Variants in FAM83H observed in about 807,000 individuals in gnomAD.
FAM83H encodes protein FAM83H.
In FAM83H, 24 loss-of-function variants were observed where a neutral mutation model predicts 30.2. The ratio of observed to expected loss-of-function variants is 0.79; its 90% CI spans 0.57 to 1.12. The LOEUF is 1.12. FAM83H is among the 50% of genes most tolerant of loss of function. The probability of loss-of-function intolerance (pLI) is 0.00; values close to 1 mark genes in which losing one functional copy is unlikely to be tolerated. For synonymous variants in FAM83H, 1,013 were observed against 821.7 expected (o/e 1.23, Z -3.98); for missense variants, 2,038 against 1,773.9 (o/e 1.15, Z -2.67).
At chr8:143,728,833 C>G in intron 4 of FAM83H, 110 bp from the exon 5 acceptor site, 2 of 1,596,568 alleles carry the variant, frequency 1.3e-6, no homozygotes, top group Non-Finnish European at 1.7e-6. Flanking sequence ...CTGCAAGGAC[C>G]TGGGCCCGGC....
In FAM83H at chr8:143,729,328, AG is replaced by A; in HGVS notation, c.448-6del. ...GTCCATCACCACGGCCACCACCTGC[AG>A]GGGCGGGTCAGGACGGAGAGGAGAG... On this transcript the variant is annotated splice_region_variant and splice_polypyrimidine_tract_variant and intron_variant, in intron 2 of 4. Coordinates refer to ENST00000388913, the MANE Select transcript of FAM83H (RefSeq NM_198488.5). 6.2e-7 allele frequency: 1 copy of A among 1,612,866 alleles called. No homozygotes were observed. Among genetic ancestry groups the A allele is most frequent in the South Asian group, 1.1e-5 (1 of 91,088 alleles).
intron 1 of FAM83H, 39 bp from the exon 2 acceptor site, chr8:143,730,636 A>C: frequency 1.5e-6 from 2 of 1,354,488 alleles, no homozygotes; most frequent in Admixed American, 2.4e-5. Context: ...GGGTGGGGGC[A>C]CTGGGACCAC....
Position 143,726,567 on chromosome 8 carries a change from C to T in FAM83H, c.2894G>A (p.Gly965Asp), listed in dbSNP as rs1554621891. Residue 965 changes from glycine (G) to aspartate (D), a missense_variant, in exon 5 of 5, where the codon GGC becomes GAC. Transcript: ENST00000388913. ...CAGCAGCTGCCTAAGACGCAAGGAG[C>T]CTTTGCGCAGGACTTCCATGGGGCC... ...PSGPMEVLRK[G>D]SLRLRQLLSP... 1.2e-6 allele frequency: 2 copies of T among 1,603,534 alleles called. No homozygotes were observed. Among genetic ancestry groups the T allele is most frequent in the Admixed American group, 1.7e-5 (1 of 59,944 alleles).
rs782258252 is a variant in FAM83H at position 143,728,515 on chromosome 8, C to G, written c.946G>C (p.Ala316Pro). The change falls in exon 5 of 5, where the codon GCG becomes CCG. Residue 316 changes from alanine (A) to proline (P), a missense_variant. By Grantham distance (27) the Ala-to-Pro change is conservative. Coordinates refer to ENST00000388913, the MANE Select transcript of FAM83H (RefSeq NM_198488.5). ...GPLVGVPGVGAPTPFSFPKRA... is the reference protein window; with the variant it reads ...GPLVGVPGVGPPTPFSFPKRA... Reference sequence around the variant, plus strand: ...TTAGGGAAGGAGAAGGGGGTTGGCGCCCCGACCCCAGGGACGCCCACGAGA... The same window carrying G: ...TTAGGGAAGGAGAAGGGGGTTGGCGGCCCGACCCCAGGGACGCCCACGAGA... 3 of 1,559,130 alleles carry G rather than the reference C, an allele frequency of 1.9e-6. No homozygotes were observed. The East Asian group carries it at 7.2e-5, about 38-fold the overall frequency.
rs1228371797 is a variant in FAM83H at position 143,728,666 on chromosome 8, C to T, written c.795G>A (p.Glu265=). The change falls in exon 5 of 5, where the codon GAG becomes GAA. Residue 265 remains glutamate (E), a synonymous_variant. Coordinates refer to ENST00000388913, the MANE Select transcript of FAM83H (RefSeq NM_198488.5). ...ACTCCTCGTCGAAGCTGGAGACCAGCTCTCCTTGGAACACGTGCGCCAGGC... is the reference window on the plus strand; with the variant it reads ...ACTCCTCGTCGAAGCTGGAGACCAGTTCTCCTTGGAACACGTGCGCCAGGC... ...HRSLAHVFQG[E]LVSSFDEEFR... is the part of the protein sequence containing the mutation. 3.1e-6 allele frequency: 5 copies of T among 1,604,584 alleles called. No homozygotes were observed. The East Asian group carries it at 1.1e-4, about 36-fold the overall frequency.
chr8:143,725,960 G>A lies in FAM83H; in HGVS notation c.3501C>T (p.Phe1167=), dbSNP rs781824187. Residue 1167 remains phenylalanine (F), a synonymous_variant, in exon 5 of 5, where the codon TTC becomes TTT. Transcript: ENST00000388913. The part of the protein sequence containing the change: ...EGTRDSKVGK[F]VPKILGTFKS... ...TGAACGTGCCCAGGATCTTGGGCAC[G>A]AACTTGCCCACCTTGCTGTCCCTGG... 3.7e-6 allele frequency: 6 copies of A among 1,613,006 alleles called. No individual in the cohort carries two copies. The highest frequency in any genetic ancestry group is 5.1e-6 in the Non-Finnish European group (6 of 1,179,954).
At chr8:143,731,118 A>AC (rs11432677) in intron 1 of FAM83H, among the ~76,000 whole-genome samples, 7,059 of 144,322 alleles carry the variant, frequency 0.049, 436 homozygotes, top group African/African-American at 0.14. Flanking sequence ...AATAAAACGA[A>AC]CCCCCCCCCC....
rs1243580564 is a variant in FAM83H, at chr8:143,729,016, CCTT to C, written c.685_687del (p.Lys229del). 1 of 1,613,586 alleles carries C rather than the reference CCTT, an allele frequency of 6.2e-7. No individual in the cohort carries two copies. The highest frequency in any genetic ancestry group is 1.3e-5 in the African/African-American group (1 of 74,888). ...GCACAGTCCACCAGCAGGAACTTCT[CCTT>C]GACGTGGCCCTTGAAGGACTTCCCA... On this transcript the variant is annotated inframe_deletion, in exon 4 of 5. Coordinates refer to ENST00000388913, the MANE Select transcript of FAM83H (RefSeq NM_198488.5).
intron 2 of FAM83H, 33 bp downstream of exon 2, chr8:143,730,103 T>G (rs1361155385): frequency 6.7e-7 from 1 of 1,490,984 alleles, no homozygotes; most frequent in South Asian, 1.3e-5. Flanking sequence ...CCCAGGCCCC[T>G]CCCCCACTAC....
rs1818215638 is a variant in FAM83H at position 143,724,687 on chromosome 8, C to G, written c.*1234G>C. On this transcript the variant is annotated 3_prime_UTR_variant, in exon 5 of 5. Coordinates refer to ENST00000388913, the MANE Select transcript of FAM83H (RefSeq NM_198488.5). ...GGGCTCGGCCTCAGCTGCACCTTGT[C>G]CCCTGCCCTCACCTGGCCCCATACC... 1 of 152,494 alleles carries G rather than the reference C, an allele frequency of 6.6e-6. No homozygotes were observed. Among genetic ancestry groups the G allele is most frequent in the South Asian group, 2.1e-4 (1 of 4,840 alleles). 9.4% of individuals were successfully genotyped at this position (152,494 alleles called of 1,614,324 possible).
chr8:143,726,500 G>A lies in FAM83H; in HGVS notation c.2961C>T (p.Phe987=), dbSNP rs191891370. ...GTTGGCCGTTCTCCTGCGGCACTGG[G>A]AAGCCACCCTCATCCTCCATGCGCC... ...GERRMEDEGG[F]PVPQENGQPE... is the part of the protein sequence containing the mutation. Residue 987 remains phenylalanine (F), a synonymous_variant, in exon 5 of 5, where the codon TTC becomes TTT. Coordinates refer to ENST00000388913, the MANE Select transcript of FAM83H (RefSeq NM_198488.5). The A allele has an allele frequency of 5.9e-5, 95 of 1,605,998 alleles. No homozygotes were observed. The African/African-American group carries it at 1.2e-3, about 20-fold the overall frequency.
chr8:143,730,972 A>G (rs1818496131), intron 1 of FAM83H, among the ~76,000 whole-genome samples: 1 of 152,066 alleles, frequency 6.6e-6, no homozygotes, highest in African/African-American at 2.4e-5. Flanking sequence ...GCGTGCACAC[A>G]TAGTCCCAGG....
chr8:143,726,274 C>G lies in FAM83H; in HGVS notation c.3187G>C (p.Gly1063Arg). The G allele has an allele frequency of 6.2e-7, 1 of 1,612,100 alleles. No homozygotes were observed. The highest frequency in any genetic ancestry group is 8.5e-7 in the Non-Finnish European group (1 of 1,179,680). The change falls in exon 5 of 5, where the codon GGC (glycine) becomes CGC (arginine). Residue 1063 changes from glycine (G) to arginine (R), a missense_variant. Gly to Arg is a moderately radical substitution (Grantham distance 125). Coordinates refer to ENST00000388913, the MANE Select transcript of FAM83H (RefSeq NM_198488.5). ...KHRAVPAPSPGPTHNSPELGR... is the reference protein window; with the variant it reads ...KHRAVPAPSPRPTHNSPELGR... Reference sequence around the variant, plus strand: ...AGCTCGGGGCTGTTGTGGGTCGGGCCGGGGCTCGGGGCAGGGACCGCACGG... The same window carrying G: ...AGCTCGGGGCTGTTGTGGGTCGGGCGGGGGCTCGGGGCAGGGACCGCACGG...
chr8:143,726,820 T>C lies in FAM83H; in HGVS notation c.2641A>G (p.Ser881Gly). Residue 881 changes from serine (S) to glycine (G), a missense_variant, in exon 5 of 5, where the codon AGC becomes GGC. Physicochemically the swap from Ser to Gly is moderately conservative, Grantham distance 56. Transcript: ENST00000388913. ...CGAGTGGAAAACCCAGGCGTGGGGC[T>C]CCCCTTCCGCTCAGGGTAAGCCGAG... is the stretch of plus-strand genomic sequence containing the variant. The part of the protein sequence containing the change: ...PTSAYPERKG[S>G]PTPGFSTRRG... 1.2e-6 allele frequency: 2 copies of C among 1,612,842 alleles called. No individual in the cohort carries two copies. The highest frequency in any genetic ancestry group is 1.7e-6 in the Non-Finnish European group (2 of 1,179,888).
intron 1 of FAM83H, among the ~76,000 whole-genome samples, chr8:143,731,106 AAAAT>A (rs1183977064): frequency 1.2e-5 from 1 of 83,184 alleles, no homozygotes; most frequent in Non-Finnish European, 2.6e-5. Flanking sequence ...ACAAAAAATA[AAAAT>A]AAAACGAACC....
rs782097630 is a variant in FAM83H at position 143,727,975 on chromosome 8, G to A, written c.1486C>T (p.Arg496Cys). Reference sequence around the variant, plus strand: ...CCGTCGGGTCCGAGCTCCGGGAAGCGGGGCCCGGCGCCCAGGGTGAAGTCA... The same window carrying A: ...CCGTCGGGTCCGAGCTCCGGGAAGCAGGGCCCGGCGCCCAGGGTGAAGTCA... ...PDDFTLGAGPRFPELGPDGHQ... is the reference protein window; with the variant it reads ...PDDFTLGAGPCFPELGPDGHQ... The change falls in exon 5 of 5, where the codon CGC becomes TGC. Residue 496 changes from arginine (R) to cysteine (C), a missense_variant. Transcript: ENST00000388913. 1.3e-6 allele frequency: 2 copies of A among 1,574,230 alleles called. No individual in the cohort carries two copies. Among genetic ancestry groups the A allele is most frequent in the Admixed American group, 1.8e-5 (1 of 54,326 alleles).
rs778233136 is a variant in FAM83H, at chr8:143,725,501, C to G, written c.*420G>C. On this transcript the variant is annotated 3_prime_UTR_variant, in exon 5 of 5. Coordinates refer to ENST00000388913, the MANE Select transcript of FAM83H (RefSeq NM_198488.5). ...ATCCCAGCTACTCAGGAGGCTGAGG[C>G]AGGAGAATCGCTGGAACCCGGGAGG... The G allele has an allele frequency of 1.5e-3, 356 of 237,686 alleles. 1 individual carries two copies. The highest frequency in any genetic ancestry group is 2.3e-3 in the Non-Finnish European group (274 of 120,258). The allele number at this position is 237,686 out of a possible 1,614,324, so 14.7% of individuals were successfully genotyped here.
At position 143,727,118 on chromosome 8, in the gene FAM83H, G is replaced by GC. The variant is rs1818328264; in HGVS notation, c.2342dup (p.Glu782ArgfsTer84). On this transcript the variant is annotated frameshift_variant, in exon 5 of 5. Transcript: ENST00000388913. LOFTEE classifies it low-confidence loss of function (END_TRUNC). ...GGCAGCTCTCGAGGCTGCGGCGCTCGCCCCCCACGGCACCTGGGGCCGCCA... is the reference window on the plus strand; with the variant it reads ...GGCAGCTCTCGAGGCTGCGGCGCTCGCCCCCCCACGGCACCTGGGGCCGCCA... 3 of 1,534,650 alleles carry GC rather than the reference G, an allele frequency of 2.0e-6. No individual in the cohort carries two copies. The highest frequency in any genetic ancestry group is 1.7e-6 in the Non-Finnish European group (2 of 1,146,492).
At chr8:143,728,864 A>G (rs1334317903) in intron 4 of FAM83H, 103 bp downstream of exon 4, 25 of 1,601,680 alleles carry the variant, frequency 1.6e-5, no homozygotes, top group Non-Finnish European at 2.0e-5. Context: ...AGGGGTCTAC[A>G]GGACAAGGGC....
Sources: gnomAD v4.1 joint callset for allele counts (sites outside exome capture counted in the v4.1 genomes callset) on GRCh38, gnomAD v4.1.1 for gene constraint, MANE v1.5 for transcripts, NCBI Gene and HGNC (gene_info 2026-07-23, HGNC 2026-07-21) for gene names.